BPIFA3: variants seen among roughly 807,000 people sequenced by gnomAD.
The protein encoded by BPIFA3 is BPI fold containing family A member 3.
BPIFA3 carries 32 observed loss-of-function variants against 29.7 expected under a neutral mutation model. The observed-to-expected ratio is 1.08, with a 90% CI of 0.81 to 1.45. The LOEUF is 1.45. Among genes scored for constraint, BPIFA3 ranks in the 40% most tolerant of loss-of-function variants. The pLI is 0.00. For synonymous variants in BPIFA3, 112 were observed against 113.7 expected (o/e 0.98, Z 0.10); for missense variants, 323 against 311.3 (o/e 1.04, Z -0.28).
intron 3 of BPIFA3, 55 bp downstream of exon 3, chr20:33,224,517 T>C (rs1201126519): frequency 1.4e-6 from 2 of 1,420,856 alleles, no homozygotes; most frequent in East Asian, 4.5e-5. Context: ...GCAGGGAACC[T>C]GGGAAATTCA....
intron 3 of BPIFA3, 109 bp downstream of exon 3, chr20:33,224,571 G>GC (rs1985687651): frequency 1.1e-6 from 1 of 939,176 alleles, no homozygotes; most frequent in East Asian, 2.4e-5. Context: ...GGCTTCCAAA[G>GC]CCACTTGCTG....
rs144851203 is a variant in BPIFA3 at position 33,218,296 on chromosome 20, C to T, written c.127+633C>T. ...AACCCAGAAGGAGAGTGGTTGGGTC[C>T]TGGGGTAGAGGTGAACTCAATTTAA... On this transcript the variant is annotated intron_variant, in intron 1 of 6. Transcript: ENST00000375454. Among the ~76,000 whole-genome samples, 4 of 152,320 alleles carry T rather than the reference C, an allele frequency of 2.6e-5. No homozygotes were observed. In the East Asian group the frequency reaches 7.7e-4, roughly 29 times the overall value.
intron 2 of BPIFA3, 143 bp downstream of exon 2, chr20:33,224,104 C>T: frequency 8.6e-7 from 1 of 1,163,106 alleles, no homozygotes; most frequent in Admixed American, 2.7e-5. Flanking sequence ...GTGGAAGGCC[C>T]ACACAAGGAA....
At chr20:33,219,611 A>G (rs1424595738) in intron 1 of BPIFA3, among the ~76,000 whole-genome samples, 2 of 152,208 alleles carry the variant, frequency 1.3e-5, no homozygotes, top group Admixed American at 1.3e-4. Flanking sequence ...TTCTCTCCAT[A>G]TGACTCAGTT....
Position 33,225,256 on chromosome 20 carries a change from C to G in BPIFA3, c.536+9C>G. 1 of 1,613,104 alleles carries G rather than the reference C, an allele frequency of 6.2e-7. No homozygotes were observed. Among genetic ancestry groups the G allele is most frequent in the South Asian group, 1.1e-5 (1 of 91,024 alleles). On this transcript the variant is annotated intron_variant, in intron 4 of 6. Transcript: ENST00000375454. ...GTGGCCATCCTCACTGAGTAAGACC[C>G]CAGCTGCCCCTCCCCAGAGCTGGGC... is the stretch of plus-strand genomic sequence containing the variant.
intron 6 of BPIFA3, among the ~76,000 whole-genome samples, 188 bp downstream of exon 6, chr20:33,227,181 C>A (rs750649586): frequency 2.6e-5 from 4 of 152,184 alleles, no homozygotes; most frequent in Admixed American, 6.5e-5. Flanking sequence ...GCAGAACGTA[C>A]CCCTACCAAG....
rs758432996 is a variant in BPIFA3, at chr20:33,227,559, C to T, written c.707C>T (p.Pro236Leu). ...SLIEQEAAHEPTHHETSQPSA... is the reference protein window; with the variant it reads ...SLIEQEAAHELTHHETSQPSA... ...ACAGAACAGGAGGCTGCTCATGAAC[C>T]AACCCACCATGAAACCAGCCAACCC... Residue 236 changes from proline (P) to leucine (L), a missense_variant, in exon 7 of 7, where the codon CCA becomes CTA. By Grantham distance (98) the Pro-to-Leu change is moderately conservative. Transcript: ENST00000375454. The T allele has an allele frequency of 1.2e-6, 2 of 1,614,078 alleles. No individual in the cohort carries two copies. Among genetic ancestry groups the T allele is most frequent in the South Asian group, 2.2e-5 (2 of 91,062 alleles).
At chr20:33,223,285 T>C (rs1303858210) in intron 1 of BPIFA3, among the ~76,000 whole-genome samples, 2 of 152,256 alleles carry the variant, frequency 1.3e-5, no homozygotes, top group Non-Finnish European at 2.9e-5. Flanking sequence ...CAGAGCTGGG[T>C]CCTCATCCCA....
chr20:33,218,394 G>A (rs1985359515), intron 1 of BPIFA3, among the ~76,000 whole-genome samples: 1 of 152,248 alleles, frequency 6.6e-6, no homozygotes, highest in South Asian at 2.1e-4. Flanking sequence ...GAGCATACCT[G>A]TCTCCCCATG....
Position 33,217,454 on chromosome 20 carries a change from G to T in BPIFA3, c.-83G>T. 1 of 1,519,348 alleles carries T rather than the reference G, an allele frequency of 6.6e-7. No homozygotes were observed. The highest frequency in any genetic ancestry group is 1.3e-5 in the South Asian group (1 of 79,728). The allele number at this position is 1,519,348 out of a possible 1,614,324, so 94.1% of individuals were successfully genotyped here. A position where few individuals can be genotyped will look rare whatever the true frequency, so the allele number is the denominator to read the frequency against. On this transcript the variant is annotated 5_prime_UTR_variant, in exon 1 of 7. Coordinates refer to ENST00000375454, the MANE Select transcript of BPIFA3 (RefSeq NM_178466.5). ...GTCATCTTTCTGCAGAAAACCATTAGACCATCCCTCCAGACTGCCACCCTC... is the reference window on the plus strand; with the variant it reads ...GTCATCTTTCTGCAGAAAACCATTATACCATCCCTCCAGACTGCCACCCTC...
intron 1 of BPIFA3, among the ~76,000 whole-genome samples, chr20:33,217,874 C>G (rs745431977): frequency 3.3e-5 from 5 of 152,222 alleles, no homozygotes; most frequent in Non-Finnish European, 7.3e-5. Flanking sequence ...ACTGCAAGGT[C>G]CCCCTTTTGT....
chr20:33,226,869 T>C, intron 5 of BPIFA3, 61 bp from the exon 6 acceptor site: 1 of 1,597,460 alleles, frequency 6.3e-7, no homozygotes, highest in Non-Finnish European at 8.6e-7. Context: ...CCTGCCACAG[T>C]CACTTCAGTT....
chr20:33,223,861 A>G lies in BPIFA3; in HGVS notation c.178A>G (p.Ile60Val), dbSNP rs745713946. 12 of 1,614,182 alleles carry G rather than the reference A, an allele frequency of 7.4e-6. No individual in the cohort carries two copies. The highest frequency in any genetic ancestry group is 1.0e-5 in the Non-Finnish European group (12 of 1,179,998). The change falls in exon 2 of 7, where the codon ATC (isoleucine) becomes GTC (valine). Residue 60 changes from isoleucine to valine, a missense_variant. Ile to Val is a conservative substitution (Grantham distance 29). Coordinates refer to ENST00000375454, the MANE Select transcript of BPIFA3 (RefSeq NM_178466.5). ...KHNAESRIQN[I>V]HFGDRLNASA... ...CAACGCAGAAAGCCGAATTCAGAAC[A>G]TCCACTTTGGGGACAGACTGAATGC... is the stretch of plus-strand genomic sequence containing the variant.
chr20:33,227,485 G>A, intron 6 of BPIFA3, 53 bp from the exon 7 acceptor site: 1 of 1,438,744 alleles, frequency 7.0e-7, no homozygotes, highest in African/African-American at 1.4e-5. Flanking sequence ...CCTTCGGTGT[G>A]GGAGTTGGGA....
chr20:33,218,360 T>G (rs1985357784), intron 1 of BPIFA3, among the ~76,000 whole-genome samples: 1 of 152,188 alleles, frequency 6.6e-6, no homozygotes, highest in Non-Finnish European at 1.5e-5. Flanking sequence ...GGCTGTGTGG[T>G]CTACACGTGC....
At chr20:33,224,507 G>C (rs752605444) in intron 3 of BPIFA3, 45 bp downstream of exon 3, 2 of 1,454,656 alleles carry the variant, frequency 1.4e-6, no homozygotes, top group Non-Finnish European at 1.9e-6. Flanking sequence ...GGCCCTCCTC[G>C]CAGGGAACCT....
Position 33,217,473 on chromosome 20 carries a change from C to T in BPIFA3, c.-64C>T, listed in dbSNP as rs1568620975. The T allele has an allele frequency of 6.3e-7, 1 of 1,577,884 alleles. No homozygotes were observed. Among genetic ancestry groups the T allele is most frequent in the Non-Finnish European group, 8.6e-7 (1 of 1,164,728 alleles). Reference sequence around the variant, plus strand: ...CCATTAGACCATCCCTCCAGACTGCCACCCTCAAAGCCGTCTGCCCAGGCC... The same window carrying T: ...CCATTAGACCATCCCTCCAGACTGCTACCCTCAAAGCCGTCTGCCCAGGCC... On this transcript the variant is annotated 5_prime_UTR_variant, in exon 1 of 7. Transcript: ENST00000375454.
rs142257117 is a variant in BPIFA3, at chr20:33,225,207, G to A, written c.496G>A (p.Asp166Asn). 1.9e-3 allele frequency: 3,137 copies of A among 1,614,086 alleles called. 6 individuals carry two copies. The highest frequency in any genetic ancestry group is 2.3e-3 in the Non-Finnish European group (2,720 of 1,180,030). Residue 166 changes from aspartate (D) to asparagine (N), a missense_variant, in exon 4 of 7, where the codon GAT becomes AAT. Physicochemically the swap from Asp to Asn is conservative, Grantham distance 23. Transcript: ENST00000375454. ...GAGGGATCTGGTGATAGGCAAATGC[G>A]ATGCAGAGCCCAGCAGTGTCCATGT... ...GRRDLVIGKC[D>N]AEPSSVHVAI...
chr20:33,220,396 T>TA (rs879519642), intron 1 of BPIFA3, among the ~76,000 whole-genome samples: 49 of 144,972 alleles, frequency 3.4e-4, no homozygotes, highest in South Asian at 1.9e-3. Flanking sequence ...AGACTCCATC[T>TA]AAAAAAAAAA....
Sources: allele counts gnomAD v4.1 joint callset (sites outside exome capture counted in the v4.1 genomes callset), GRCh38; gene constraint gnomAD v4.1.1; transcripts MANE v1.5; gene names NCBI Gene and HGNC (gene_info 2026-07-23, HGNC 2026-07-21).